BRF1: variants seen among roughly 807,000 people sequenced by gnomAD.
BRF1 encodes transcription factor IIIB 90 kDa subunit.
In BRF1, 59 loss-of-function variants were observed where a neutral mutation model predicts 81.7. That is an observed-to-expected ratio of 0.72 (90% CI 0.59 to 0.90). The LOEUF is 0.90. Among genes scored for constraint, BRF1 ranks in the 40% least tolerant of loss-of-function variants. The pLI is 0.00. For missense variants in BRF1, 1,050 were observed against 936.3 expected, an observed-to-expected ratio of 1.12 and a Z score of -1.58; for synonymous variants, 491 against 395.6, an observed-to-expected ratio of 1.24 and a Z score of -2.86.
intron 5 of BRF1, chr14:105,247,281 C>T: frequency 1.0e-6 from 1 of 985,460 alleles, no homozygotes; most frequent in Non-Finnish European, 1.2e-6. Context: ...CGGAGTTACG[C>T]ACCCACCTGC....
intron 5 of BRF1, among the ~76,000 whole-genome samples, chr14:105,244,481 A>G (rs1233938404): frequency 6.6e-6 from 1 of 151,312 alleles, no homozygotes; most frequent in Non-Finnish European, 1.5e-5. Flanking sequence ...TGTTTTTTTC[A>G]AGACAAATCT....
intron 5 of BRF1, among the ~76,000 whole-genome samples, chr14:105,252,102 G>A (rs2055647445): frequency 1.3e-5 from 2 of 152,204 alleles, no homozygotes; most frequent in East Asian, 1.9e-4. Context: ...GATGCTCCCA[G>A]CACGCAGCAC....
intron 12 of BRF1, 65 bp from the exon 13 acceptor site, chr14:105,219,297 C>T (rs1012861428): frequency 1.8e-5 from 28 of 1,594,036 alleles, no homozygotes; most frequent in Non-Finnish European, 2.4e-5. Flanking sequence ...GCTAAGGTCG[C>T]GCTGGCCAGC....
At chr14:105,229,594 G>C (rs72709734) in intron 6 of BRF1, among the ~76,000 whole-genome samples, 3 of 151,954 alleles carry the variant, frequency 2.0e-5, no homozygotes. Context: ...TGACAGCTGC[G>C]ACCTGGGGGG....
chr14:105,210,452 G>C lies in BRF1; in HGVS notation c.*99C>G. The C allele has an allele frequency of 1.4e-6, 2 of 1,395,330 alleles. No homozygotes were observed. Among genetic ancestry groups the C allele is most frequent in the African/African-American group, 1.4e-5 (1 of 70,294 alleles). The allele number at this position is 1,395,330 out of a possible 1,614,324, so 86.4% of individuals were successfully genotyped here. A position where few individuals can be genotyped will look rare whatever the true frequency, so the allele number is the denominator to read the frequency against. ...GGTGCCACCTGTCACCAGGAGTCTC[G>C]GCGCTGGGGCCTGCCTGCTGCGGTC... On this transcript the variant is annotated 3_prime_UTR_variant, in exon 18 of 18. Transcript: ENST00000547530. This position sits in a 1 kb window ranked among gnomAD's most constrained non-coding sequence, Gnocchi z 4.7.
At chr14:105,248,888 C>T (rs2055357130) in intron 5 of BRF1, 2 of 988,078 alleles carry the variant, frequency 2.0e-6, no homozygotes, top group African/African-American at 1.8e-5. Flanking sequence ...CGGAACTCTA[C>T]GCTCCCGCCA....
intron 3 of BRF1, among the ~76,000 whole-genome samples, chr14:105,262,170 G>A (rs1566846513): frequency 1.3e-5 from 2 of 152,124 alleles, no homozygotes; most frequent in Non-Finnish European, 2.9e-5. Flanking sequence ...GGGCTATGAC[G>A]GATCCTAGCT....
rs1889898716 is a variant in BRF1, at chr14:105,210,092, C to T, written c.*459G>A. On this transcript the variant is annotated 3_prime_UTR_variant, in exon 18 of 18. Transcript: ENST00000547530. This position sits in a 1 kb window ranked among gnomAD's most constrained non-coding sequence, Gnocchi z 4.7. Reference sequence around the variant, plus strand: ...GCTCTGGCTTCCACTCTGGCAGAGGCTGCTGGCGCCGAGTGCTGCTCAGGA... The same window carrying T: ...GCTCTGGCTTCCACTCTGGCAGAGGTTGCTGGCGCCGAGTGCTGCTCAGGA... The T allele has an allele frequency of 4.6e-6, 1 of 216,384 alleles. No homozygotes were observed. Among genetic ancestry groups the T allele is most frequent in the South Asian group, 9.7e-5 (1 of 10,258 alleles). 13.4% of individuals were successfully genotyped at this position (216,384 alleles called of 1,614,324 possible). A position where few individuals can be genotyped will look rare whatever the true frequency, so the allele number is the denominator to read the frequency against.
intron 1 of BRF1, among the ~76,000 whole-genome samples, chr14:105,289,629 A>G (rs910992542): frequency 1.3e-5 from 2 of 152,014 alleles, no homozygotes; most frequent in Non-Finnish European, 2.9e-5. Flanking sequence ...TTGTTTTGTG[A>G]GCAGTGTGTA....
chr14:105,295,783 G>GA (rs59076857), intron 1 of BRF1, among the ~76,000 whole-genome samples: 4,791 of 124,348 alleles, frequency 0.039, 115 homozygotes, highest in African/African-American at 0.083. Flanking sequence ...CTTTGTCCCA[G>GA]AAAAAAAAAA....
At chr14:105,228,498 C>T (rs1203506111) in intron 7 of BRF1, among the ~76,000 whole-genome samples, 1 of 150,876 alleles carries the variant, frequency 6.6e-6, no homozygotes, top group African/African-American at 2.4e-5. Flanking sequence ...GAGCCGAGAT[C>T]ACGCTATTGC....
chr14:105,300,390 C>A lies in BRF1; in HGVS notation c.184+56G>T, dbSNP rs1403037674. ...GGTCCCGGCCGCGCCGTCACCGCCT[C>A]CAGCCCGCCTAAGCCGCACCGAGAA... is the stretch of plus-strand genomic sequence containing the variant. On this transcript the variant is annotated intron_variant, in intron 1 of 17. Transcript: ENST00000547530. 4.8e-6 allele frequency: 7 copies of A among 1,447,186 alleles called. No individual in the cohort carries two copies. In the Admixed American group the frequency reaches 1.0e-4, roughly 22 times the overall value. The allele number at this position is 1,447,186 out of a possible 1,614,324, so 89.6% of individuals were successfully genotyped here. A position where few individuals can be genotyped will look rare whatever the true frequency, so the allele number is the denominator to read the frequency against.
intron 5 of BRF1, chr14:105,242,632 G>C (rs2054765847): frequency 6.7e-6 from 1 of 150,256 alleles, no homozygotes; most frequent in Non-Finnish European, 1.5e-5. Flanking sequence ...CTACTCAAGA[G>C]GCTGAGGCTG....
chr14:105,312,528 G>C (rs2058374578), intron 1 of BRF1, among the ~76,000 whole-genome samples: 1 of 152,162 alleles, frequency 6.6e-6, no homozygotes, highest in Admixed American at 6.5e-5. Context: ...AACGCTACCA[G>C]AGAAAGCACC....
intron 12 of BRF1, 128 bp from the exon 13 acceptor site, chr14:105,219,360 G>C: frequency 6.6e-7 from 1 of 1,510,192 alleles, no homozygotes; most frequent in African/African-American, 1.4e-5. Context: ...CCTCTATTTA[G>C]TGCGGAGCCT....
intron 5 of BRF1, among the ~76,000 whole-genome samples, chr14:105,245,682 T>C (rs1388839539): frequency 1.3e-5 from 2 of 152,158 alleles, no homozygotes; most frequent in Non-Finnish European, 2.9e-5. Flanking sequence ...GGGGAAAGGA[T>C]GGTCTCTTCA....
chr14:105,310,445 G>A (rs1382669400), intron 1 of BRF1, among the ~76,000 whole-genome samples: 1 of 146,504 alleles, frequency 6.8e-6, no homozygotes, highest in African/African-American at 2.5e-5. Flanking sequence ...CAGGAGAATG[G>A]CATGAACCCG....
At chr14:105,281,939 A>T (rs1415513633) in intron 2 of BRF1, among the ~76,000 whole-genome samples, 1 of 152,134 alleles carries the variant, frequency 6.6e-6, no homozygotes, top group Admixed American at 6.5e-5. Context: ...ACAGACCAAG[A>T]GAACAGAAAA....
At chr14:105,268,792 G>GTGGT (rs1275057715) in intron 3 of BRF1, among the ~76,000 whole-genome samples, 1 of 152,212 alleles carries the variant, frequency 6.6e-6, no homozygotes, top group East Asian at 1.9e-4. Flanking sequence ...TGGAGGTGGG[G>GTGGT]TGGTGGGTGC....
Sources: allele counts gnomAD v4.1 joint callset (sites outside exome capture counted in the v4.1 genomes callset), GRCh38; gene constraint gnomAD v4.1.1; non-coding constraint Gnocchi (gnomAD v3.1); transcripts MANE v1.5; gene names NCBI Gene and HGNC (gene_info 2026-07-23, HGNC 2026-07-21).